POLE2: variants seen among roughly 807,000 people sequenced by gnomAD.
POLE2 encodes the protein DNA polymerase epsilon 2, accessory subunit, also known as DNA polymerase epsilon subunit 2.
A neutral mutation model predicts 79.4 loss-of-function variants in POLE2; 56 were observed. The observed-to-expected ratio is 0.71, with a 90% confidence interval of 0.57 to 0.88. The LOEUF is 0.88. POLE2 is among the 40% of genes least tolerant of loss of function. The probability of loss-of-function intolerance (pLI) is 0.00; values close to 1 mark genes in which losing one functional copy is unlikely to be tolerated. For synonymous variants in POLE2, 212 were observed against 214.0 expected (o/e 0.99, Z 0.08); for missense variants, 598 against 638.9 (o/e 0.94, Z 0.69).
intron 17 of POLE2, 77 bp from the exon 18 acceptor site, chr14:49,647,437 T>C (rs1013816739): frequency 2.2e-6 from 1 of 459,356 alleles, no homozygotes. Flanking sequence ...ACAATATGTA[T>C]ATTTTTTATT....
chr14:49,663,757 A>G (rs927693778), intron 9 of POLE2, among the ~76,000 whole-genome samples: 2 of 152,066 alleles, frequency 1.3e-5, no homozygotes, highest in Admixed American at 6.6e-5. Flanking sequence ...GGCCGGGTGC[A>G]GTGGCTCATG....
intron 18 of POLE2, among the ~76,000 whole-genome samples, chr14:49,645,961 C>T (rs985017460): frequency 6.6e-6 from 1 of 152,086 alleles, no homozygotes; most frequent in African/African-American, 2.4e-5. Context: ...AAGTTTTATG[C>T]CAAATGTTAT....
rs11157698 is a variant in POLE2 at position 49,670,579 on chromosome 14, A to G, written c.418-981T>C. Among the ~76,000 whole-genome samples the G allele has an allele frequency of 3.2e-4, 48 of 152,308 alleles. 1 individual carries two copies. In the East Asian group the frequency reaches 8.9e-3, roughly 28 times the overall value. Reference sequence around the variant, plus strand: ...AAGGTCTAGAAAATGAAAGTACTCCATCCTTTGGCCAGTGATTGGTTCAAG... The same window carrying G: ...AAGGTCTAGAAAATGAAAGTACTCCGTCCTTTGGCCAGTGATTGGTTCAAG... On this transcript the variant is annotated intron_variant, in intron 5 of 18. Coordinates refer to ENST00000216367, the MANE Select transcript of POLE2 (RefSeq NM_002692.4).
chr14:49,678,364 G>C (rs371890359), intron 3 of POLE2, among the ~76,000 whole-genome samples: 1 of 152,084 alleles, frequency 6.6e-6, no homozygotes, highest in East Asian at 1.9e-4. Flanking sequence ...CTGAGTGGGG[G>C]TGGAATAGGG....
intron 10 of POLE2, among the ~76,000 whole-genome samples, chr14:49,657,637 A>C (rs1884791498): frequency 6.6e-6 from 1 of 152,040 alleles, no homozygotes; most frequent in Non-Finnish European, 1.5e-5. Flanking sequence ...ATGGGGTTTC[A>C]CCATGTTGGC....
At chr14:49,661,948 A>T (rs1260096271) in intron 10 of POLE2, among the ~76,000 whole-genome samples, 1 of 152,234 alleles carries the variant, frequency 6.6e-6, no homozygotes, top group African/African-American at 2.4e-5. Context: ...CTAAAGAGAA[A>T]CAAATGGTAA....
chr14:49,645,380 T>TAACA (rs1037359009), intron 18 of POLE2, among the ~76,000 whole-genome samples: 3 of 152,238 alleles, frequency 2.0e-5, no homozygotes, highest in African/African-American at 7.2e-5. Flanking sequence ...ACAAATATTC[T>TAACA]AACAGAAGGC....
intron 10 of POLE2, among the ~76,000 whole-genome samples, chr14:49,656,540 C>CA (rs939174541): frequency 2.0e-5 from 3 of 152,090 alleles, no homozygotes; most frequent in African/African-American, 7.2e-5. Context: ...AAGATATATA[C>CA]AAAGACTAGC....
intron 9 of POLE2, among the ~76,000 whole-genome samples, chr14:49,663,856 G>A (rs1215905909): frequency 6.6e-6 from 1 of 150,768 alleles, no homozygotes; most frequent in Non-Finnish European, 1.5e-5. Flanking sequence ...GTGAAACCCC[G>A]TCTCTACTAA....
In POLE2 at chr14:49,666,358, AC is replaced by A; in HGVS notation, c.547del (p.Val183PhefsTer4). The A allele has an allele frequency of 6.4e-7, 1 of 1,550,650 alleles. No individual in the cohort carries two copies. The highest frequency in any genetic ancestry group is 1.4e-5 in the African/African-American group (1 of 71,412). ...GSTTKIGDAI[V>X]LGMITQLKEG... ...TTTTAACTGCGTTATCATTCCAAGA[AC>A]AATCGCATCTCCGATTTTGGTTGTA... On this transcript the variant is annotated frameshift_variant, in exon 7 of 19. Coordinates refer to ENST00000216367, the MANE Select transcript of POLE2 (RefSeq NM_002692.4). LOFTEE classifies it high-confidence loss of function.
chr14:49,649,449 A>ATTTCT (rs1884041356), intron 17 of POLE2, among the ~76,000 whole-genome samples: 1 of 124,740 alleles, frequency 8.0e-6, no homozygotes, highest in Non-Finnish European at 1.7e-5. Flanking sequence ...CCCGGCCTAT[A>ATTTCT]TTTCTTTTCT....
At chr14:49,667,219 C>T (rs1380670597) in intron 6 of POLE2, among the ~76,000 whole-genome samples, 3 of 151,632 alleles carry the variant, frequency 2.0e-5, no homozygotes, top group African/African-American at 7.3e-5. Context: ...AACTTTCCAT[C>T]TTTTTCTATA....
intron 15 of POLE2, among the ~76,000 whole-genome samples, chr14:49,653,310 G>A (rs745871208): frequency 2.6e-5 from 4 of 152,182 alleles, no homozygotes; most frequent in Admixed American, 6.5e-5. Flanking sequence ...GAAAAGAGGC[G>A]AACCAAGGCT....
chr14:49,646,306 T>TTTTTG (rs1566522633), intron 18 of POLE2, among the ~76,000 whole-genome samples: 1 of 51,356 alleles, frequency 1.9e-5, no homozygotes, highest in Non-Finnish European at 5.0e-5. Context: ...TTGTTGGTTT[T>TTTTTG]TTTTTTTTTT....
chr14:49,677,456 G>A, intron 3 of POLE2: 1 of 466,888 alleles, frequency 2.1e-6, no homozygotes, highest in East Asian at 4.0e-5. Flanking sequence ...TGGAGACGAG[G>A]GGCAGCCAGT....
At chr14:49,645,588 C>G (rs1202271904) in intron 18 of POLE2, among the ~76,000 whole-genome samples, 1 of 152,182 alleles carries the variant, frequency 6.6e-6, no homozygotes, top group Non-Finnish European at 1.5e-5. Context: ...ATAAAGGAAG[C>G]AACTATTTCA....
At chr14:49,652,546 A>C (rs1884348624) in intron 15 of POLE2, among the ~76,000 whole-genome samples, 1 of 151,970 alleles carries the variant, frequency 6.6e-6, no homozygotes, top group Non-Finnish European at 1.5e-5. Context: ...TTACATCCTG[A>C]CCTCTGCCTC....
Position 49,653,683 on chromosome 14 carries a change from G to A in POLE2, c.1211+307C>T, listed in dbSNP as rs375132544. On this transcript the variant is annotated intron_variant, in intron 15 of 18. Transcript: ENST00000216367. ...TTTTGAGACAGGGTCTTGCTCTGTC[G>A]CCCAGGCTGCAGGCTGGAATGCAGT... Among the ~76,000 whole-genome samples, 16 of 150,538 alleles carry A rather than the reference G, an allele frequency of 1.1e-4. 1 individual carries two copies. In the South Asian group the frequency reaches 2.9e-3, roughly 28 times the overall value.
chr14:49,688,120 G>C lies in POLE2; in HGVS notation c.68+16C>G. The C allele has an allele frequency of 6.5e-7, 1 of 1,546,400 alleles. No homozygotes were observed. Among genetic ancestry groups the C allele is most frequent in the South Asian group, 1.2e-5 (1 of 84,956 alleles). On this transcript the variant is annotated intron_variant, in intron 1 of 18. Transcript: ENST00000216367. ...GCTCTTCCCTCTCGCCCTTCAAGCTGCCCGAGCCCACTCACCCACGGAGCA... is the reference window on the plus strand; with the variant it reads ...GCTCTTCCCTCTCGCCCTTCAAGCTCCCCGAGCCCACTCACCCACGGAGCA...
Sources: gnomAD v4.1 joint callset for allele counts (sites outside exome capture counted in the v4.1 genomes callset) on GRCh38, gnomAD v4.1.1 for gene constraint, MANE v1.5 for transcripts, NCBI Gene and HGNC (gene_info 2026-07-23, HGNC 2026-07-21) for gene names.